The following LHFPL3 variants were observed in gnomAD, a reference collection of about 807,000 sequenced individuals.
The protein encoded by LHFPL3 is LHFPL tetraspan subfamily member 3 protein.
In LHFPL3, 5 loss-of-function variants were observed where a neutral mutation model predicts 19.3. The observed-to-expected ratio is 0.26, with a 90% CI of 0.14 to 0.54. LHFPL3 has a LOEUF of 0.54. Among genes scored for constraint, LHFPL3 ranks in the 20% least tolerant of loss-of-function variants. The pLI, the probability that LHFPL3 is intolerant of heterozygous loss-of-function variation, is 0.94. For synonymous variants in LHFPL3, 133 were observed against 126.2 expected (o/e 1.05, Z -0.36); for missense variants, 249 against 307.4 (o/e 0.81, Z 1.42).
intron 1 of LHFPL3, among the ~76,000 whole-genome samples, chr7:104,518,710 G>T (rs986183929): frequency 6.6e-6 from 1 of 152,104 alleles, no homozygotes; most frequent in Non-Finnish European, 1.5e-5. Context: ...CTTGAACATG[G>T]GAGGTGGAGG....
At chr7:104,852,375 A>T (rs866060140) in intron 2 of LHFPL3, among the ~76,000 whole-genome samples, 1 of 152,230 alleles carries the variant, frequency 6.6e-6, no homozygotes, top group Non-Finnish European at 1.5e-5. Context: ...GGATCAGGAC[A>T]CTAGGCAGGA....
chr7:104,687,966 G>A (rs930480139), intron 1 of LHFPL3, among the ~76,000 whole-genome samples: 4 of 152,166 alleles, frequency 2.6e-5, no homozygotes, highest in Non-Finnish European at 5.9e-5. Context: ...AGTTCCTAAT[G>A]ACCATGCATG....
At chr7:104,796,160 A>C (rs990470603) in intron 2 of LHFPL3, among the ~76,000 whole-genome samples, 10 of 152,298 alleles carry the variant, frequency 6.6e-5, no homozygotes, top group African/African-American at 2.4e-4. Context: ...GGGCTCGAGG[A>C]AGCAGGTCCT....
rs188511761 is a variant in LHFPL3 at position 104,588,449 on chromosome 7, G to C, written c.446-148226G>C. On this transcript the variant is annotated intron_variant, in intron 1 of 2. Coordinates refer to ENST00000424859, the MANE Select transcript of LHFPL3 (RefSeq NM_199000.3). ...TGTAGATGTGTGGTATTATTTCTGA[G>C]GGTTCTGTTCTGTTCCATTGATCTA... Among the ~76,000 whole-genome samples the C allele has an allele frequency of 1.1e-3, 160 of 152,244 alleles. 2 individuals are homozygous for C. The highest frequency in any genetic ancestry group is 3.7e-3 in the African/African-American group (153 of 41,530).
At chr7:104,566,162 A>T (rs1421960369) in intron 1 of LHFPL3, among the ~76,000 whole-genome samples, 1 of 152,160 alleles carries the variant, frequency 6.6e-6, no homozygotes, top group African/African-American at 2.4e-5. Flanking sequence ...TCTGGGCAAC[A>T]TAGTCAGAAC....
intron 1 of LHFPL3, among the ~76,000 whole-genome samples, chr7:104,451,792 T>C (rs1014303919): frequency 3.3e-5 from 5 of 152,186 alleles, no homozygotes; most frequent in East Asian, 1.9e-4. Flanking sequence ...CTGCTCAGGC[T>C]GGAGTGCAGT....
intron 1 of LHFPL3, among the ~76,000 whole-genome samples, chr7:104,341,524 A>G (rs1299382449): frequency 6.6e-6 from 1 of 152,242 alleles, no homozygotes; most frequent in Admixed American, 6.5e-5. Flanking sequence ...GATTTTGACA[A>G]GAGAACTTAC....
At chr7:104,715,054 C>T (rs965509795) in intron 1 of LHFPL3, among the ~76,000 whole-genome samples, 1 of 151,994 alleles carries the variant, frequency 6.6e-6, no homozygotes, top group Non-Finnish European at 1.5e-5. Flanking sequence ...ACAATATGTG[C>T]ACTTTGGGAG....
At chr7:104,607,705 T>C (rs984127980) in intron 1 of LHFPL3, among the ~76,000 whole-genome samples, 27 of 152,070 alleles carry the variant, frequency 1.8e-4, no homozygotes, top group African/African-American at 6.0e-4. Flanking sequence ...TCAGAGTGAA[T>C]AGGCAACCTA....
At chr7:104,755,939 C>T (rs1042116194) in intron 2 of LHFPL3, among the ~76,000 whole-genome samples, 1 of 152,292 alleles carries the variant, frequency 6.6e-6, no homozygotes, top group East Asian at 1.9e-4. Context: ...AGGTGATCCA[C>T]CTGCCTTGGC....
intron 1 of LHFPL3, among the ~76,000 whole-genome samples, chr7:104,435,491 CTTTTTATAAAAATAT>C (rs1236749475): frequency 1.3e-5 from 2 of 149,624 alleles, no homozygotes; most frequent in African/African-American, 2.4e-5. Context: ...TATAAAATGA[CTTTTTATAAAAATAT>C]TTTTTATAAA....
chr7:104,562,938 G>T (rs1790038418), intron 1 of LHFPL3, among the ~76,000 whole-genome samples: 1 of 152,102 alleles, frequency 6.6e-6, no homozygotes, highest in Non-Finnish European at 1.5e-5. Flanking sequence ...GGAGTACCCT[G>T]CCGTGTGAGG....
chr7:104,800,303 T>C (rs1790219170), intron 2 of LHFPL3, among the ~76,000 whole-genome samples: 1 of 152,212 alleles, frequency 6.6e-6, no homozygotes, highest in African/African-American at 2.4e-5. Context: ...CAAGAAGCTC[T>C]CCAAGGTCTG....
At chr7:104,495,710 C>CG (rs903085699) in intron 1 of LHFPL3, among the ~76,000 whole-genome samples, 2 of 151,906 alleles carry the variant, frequency 1.3e-5, no homozygotes, top group African/African-American at 2.4e-5. Flanking sequence ...AGACTGGTGG[C>CG]GGGGGTCTCA....
At chr7:104,729,839 G>T (rs184780311) in intron 1 of LHFPL3, among the ~76,000 whole-genome samples, 44 of 152,148 alleles carry the variant, frequency 2.9e-4, no homozygotes, top group African/African-American at 1.0e-3. Context: ...TTGGTGTGCT[G>T]CACCCATTAA....
intron 1 of LHFPL3, among the ~76,000 whole-genome samples, chr7:104,544,763 G>C (rs1454455508): frequency 2.6e-5 from 4 of 151,984 alleles, no homozygotes; most frequent in Non-Finnish European, 5.9e-5. Flanking sequence ...AAAATGATTT[G>C]GGGGAAAAGG....
chr7:104,708,781 T>C (rs1793237444), intron 1 of LHFPL3, among the ~76,000 whole-genome samples: 1 of 152,184 alleles, frequency 6.6e-6, no homozygotes, highest in Admixed American at 6.5e-5. Flanking sequence ...AAATTATATG[T>C]TGTTACACTT....
At chr7:104,786,419 GATAT>G (rs1387825050) in intron 2 of LHFPL3, 2 of 152,152 alleles carry the variant, frequency 1.3e-5, no homozygotes, top group Non-Finnish European at 2.9e-5. Context: ...TGGATGAGGT[GATAT>G]ATAAAGTGAT....
At chr7:104,551,243 T>G (rs1223730704) in intron 1 of LHFPL3, among the ~76,000 whole-genome samples, 1 of 152,232 alleles carries the variant, frequency 6.6e-6, no homozygotes, top group Non-Finnish European at 1.5e-5. Flanking sequence ...AGGCTTTATT[T>G]CTTTGAGCTT....
Sources: allele counts gnomAD v4.1 joint callset (sites outside exome capture counted in the v4.1 genomes callset), GRCh38; gene constraint gnomAD v4.1.1; transcripts MANE v1.5; gene names NCBI Gene and HGNC (gene_info 2026-07-23, HGNC 2026-07-21).